CTNNA2: variants seen among roughly 807,000 people sequenced by gnomAD.
The protein encoded by CTNNA2 is catenin alpha 2, also known as catenin alpha-2.
CTNNA2 carries 42 observed loss-of-function variants against 101.0 expected under a neutral mutation model. That is an observed-to-expected ratio of 0.42 (90% CI 0.32 to 0.54). The LOEUF (loss-of-function observed/expected upper bound fraction) is 0.54. CTNNA2 is among the 20% of genes least tolerant of loss of function. CTNNA2 has a pLI of 0.14. For synonymous variants in CTNNA2, 450 were observed against 456.4 expected (o/e 0.99, Z 0.18); for missense variants, 871 against 1,223.1 (o/e 0.71, Z 4.29).
At chr2:80,167,849 C>A (rs181646269) in intron 7 of CTNNA2, among the ~76,000 whole-genome samples, 1 of 152,040 alleles carries the variant, frequency 6.6e-6, no homozygotes, top group South Asian at 2.1e-4. Flanking sequence ...GTAGCTAATA[C>A]GTGATTGTAA....
At chr2:80,069,013 G>A (rs1698156975) in intron 7 of CTNNA2, among the ~76,000 whole-genome samples, 1 of 152,192 alleles carries the variant, frequency 6.6e-6, no homozygotes, top group South Asian at 2.1e-4. Flanking sequence ...GATTTATTAT[G>A]ACTAACTATT....
At chr2:79,772,052 C>CA (rs1673630680) in intron 3 of CTNNA2, among the ~76,000 whole-genome samples, 1 of 149,592 alleles carries the variant, frequency 6.7e-6, no homozygotes, top group Non-Finnish European at 1.5e-5. Flanking sequence ...TTGATGGTGC[C>CA]AGAGAGGATA....
At chr2:80,454,189 T>C (rs1365533344) in intron 9 of CTNNA2, among the ~76,000 whole-genome samples, 3 of 152,164 alleles carry the variant, frequency 2.0e-5, no homozygotes, top group African/African-American at 4.8e-5. Flanking sequence ...TACAATTGAT[T>C]GTATTGAGCA....
intron 7 of CTNNA2, among the ~76,000 whole-genome samples, chr2:80,059,032 A>T (rs1172859381): frequency 6.6e-6 from 1 of 152,210 alleles, no homozygotes; most frequent in Non-Finnish European, 1.5e-5. Context: ...CTTATTCTTT[A>T]AAATGTATCA....
intron 7 of CTNNA2, among the ~76,000 whole-genome samples, chr2:80,308,769 TTAATAA>T (rs1677262327): frequency 1.3e-5 from 2 of 152,082 alleles, no homozygotes; most frequent in African/African-American, 4.8e-5. Context: ...AATAAATGAA[TTAATAA>T]TAATAAATAG....
intron 12 of CTNNA2, among the ~76,000 whole-genome samples, chr2:80,562,561 T>C (rs1354151598): frequency 1.3e-5 from 2 of 152,212 alleles, no homozygotes; most frequent in Non-Finnish European, 2.9e-5. Flanking sequence ...ACAGAACATA[T>C]TTAACATTTG....
At chr2:79,448,730 T>A (rs1678858460) in intron 4 of CTNNA2, among the ~76,000 whole-genome samples, 1 of 152,048 alleles carries the variant, frequency 6.6e-6, no homozygotes, top group Non-Finnish European at 1.5e-5. Context: ...CAGCTTTAGT[T>A]CTCGTGACAG....
chr2:79,215,823 T>G, intron 2 of CTNNA2, among the ~76,000 whole-genome samples: 2 of 151,214 alleles, frequency 1.3e-5, no homozygotes, highest in East Asian at 1.9e-4. Context: ...GGAGGGGAGG[T>G]GATAAAAGGA....
chr2:79,211,756 C>G (rs13406500), intron 2 of CTNNA2, among the ~76,000 whole-genome samples: 59,767 of 152,038 alleles, frequency 0.39, 13,753 homozygotes, highest in Non-Finnish European at 0.5. Context: ...AGAGGCATGA[C>G]ATTCCTGTCT....
chr2:79,539,251 T>C (rs970178969), intron 1 of CTNNA2, among the ~76,000 whole-genome samples: 3 of 152,148 alleles, frequency 2.0e-5, no homozygotes, highest in East Asian at 1.9e-4. Flanking sequence ...GGAAGTAGCC[T>C]TTCTGATCTA....
chr2:80,150,407 C>T (rs1389209791), intron 7 of CTNNA2, among the ~76,000 whole-genome samples: 1 of 152,110 alleles, frequency 6.6e-6, no homozygotes, highest in Non-Finnish European at 1.5e-5. Context: ...CGCTCACTTG[C>T]TACACTTTGG....
chr2:79,484,270 GTTAA>G (rs954489291), intron 4 of CTNNA2, among the ~76,000 whole-genome samples: 3 of 151,850 alleles, frequency 2.0e-5, no homozygotes, highest in African/African-American at 4.8e-5. Context: ...AAATATAAAT[GTTAA>G]TTAATTAATT....
intron 7 of CTNNA2, among the ~76,000 whole-genome samples, chr2:80,352,261 A>G (rs1673370696): frequency 6.6e-6 from 1 of 152,216 alleles, no homozygotes; most frequent in Non-Finnish European, 1.5e-5. Context: ...ACAATAAAAC[A>G]ATAAAAAAAA....
At chr2:79,949,332 T>C (rs1477234484) in intron 7 of CTNNA2, among the ~76,000 whole-genome samples, 1 of 152,212 alleles carries the variant, frequency 6.6e-6, no homozygotes, top group African/African-American at 2.4e-5. Flanking sequence ...TGAAAATACT[T>C]CAAATGAAAC....
At chr2:79,557,617 G>A (rs1423420418) in intron 1 of CTNNA2, among the ~76,000 whole-genome samples, 3 of 151,758 alleles carry the variant, frequency 2.0e-5, no homozygotes, top group Non-Finnish European at 4.4e-5. Flanking sequence ...TAAACCCTTG[G>A]AAAATTATAT....
chr2:79,533,672 C>T (rs1228799326), intron 1 of CTNNA2, among the ~76,000 whole-genome samples: 1 of 152,082 alleles, frequency 6.6e-6, no homozygotes, highest in African/African-American at 2.4e-5. Context: ...TCTAGAGGAG[C>T]ACCTATTGTG....
intron 18 of CTNNA2, among the ~76,000 whole-genome samples, chr2:80,635,731 TATG>T (rs1672803113): frequency 6.6e-6 from 1 of 152,128 alleles, no homozygotes; most frequent in Non-Finnish European, 1.5e-5. Context: ...TAAATGGTTT[TATG>T]ATGATTGCTA....
At chr2:80,228,520 A>G (rs1168282959) in intron 7 of CTNNA2, among the ~76,000 whole-genome samples, 1 of 152,188 alleles carries the variant, frequency 6.6e-6, no homozygotes, top group Non-Finnish European at 1.5e-5. Flanking sequence ...GTGAGCACAA[A>G]TATTCAGGCC....
chr2:79,563,409 A>G (rs968459621), intron 1 of CTNNA2, among the ~76,000 whole-genome samples: 65 of 152,042 alleles, frequency 4.3e-4, no homozygotes, highest in Non-Finnish European at 1.5e-4. Flanking sequence ...ATACATGATA[A>G]TCAGGACAAT....
Sources: gnomAD v4.1 joint callset for allele counts (sites outside exome capture counted in the v4.1 genomes callset) on GRCh38, gnomAD v4.1.1 for gene constraint, MANE v1.5 for transcripts, NCBI Gene and HGNC (gene_info 2026-07-23, HGNC 2026-07-21) for gene names.